The following TGFA variants were observed in gnomAD, a reference collection of about 807,000 sequenced individuals.
The protein encoded by TGFA is transforming growth factor alpha.
A neutral mutation model predicts 21.7 loss-of-function variants in TGFA; 12 were observed. That is an observed-to-expected ratio of 0.55 (90% CI 0.35 to 0.90). The LOEUF is 0.90. TGFA is among the 40% of genes least tolerant of loss of function. The probability of loss-of-function intolerance (pLI) is 0.01; values close to 1 mark genes in which losing one functional copy is unlikely to be tolerated. For synonymous variants in TGFA, 79 were observed against 88.1 expected (o/e 0.90, Z 0.58); for missense variants, 178 against 210.8 (o/e 0.84, Z 0.96).
At position 70,514,873 on chromosome 2, in the gene TGFA, G is replaced by A. The variant is rs138392270; in HGVS notation, c.80C>T (p.Thr27Met). Residue 27 changes from threonine (T) to methionine (M), a missense_variant, in exon 2 of 6, where the codon ACG becomes ATG. Coordinates refer to ENST00000295400, the MANE Select transcript of TGFA (RefSeq NM_003236.4). The stretch of plus-strand genomic sequence containing the variant: ...GCTGCACTCACCACTCAGCGGGGAC[G>A]TGCTGTTCTCCAAGGCCTGGCACGC... ...LAACQALENSTSPLSADPPVA... is the reference protein window; with the variant it reads ...LAACQALENSMSPLSADPPVA... 5 of 1,614,036 alleles carry A rather than the reference G, an allele frequency of 3.1e-6. No individual in the cohort carries two copies. Among genetic ancestry groups the A allele is most frequent in the East Asian group, 2.2e-5 (1 of 44,880 alleles).
chr2:70,514,533 C>G (rs1003117322), intron 2 of TGFA, among the ~76,000 whole-genome samples: 13 of 129,932 alleles, frequency 1.0e-4, no homozygotes, highest in African/African-American at 4.8e-4. Context: ...TGGACTATTA[C>G]GAGAGTGGGG....
chr2:70,465,640 A>C lies in TGFA; in HGVS notation c.191T>G (p.Val64Gly), dbSNP rs1670532437. 1 of 1,614,046 alleles carries C rather than the reference A, an allele frequency of 6.2e-7. No homozygotes were observed. ...CACACATGCTGGCTTGTCCTCCTGCACCAAAAACCTGCAGGTTCCATGGAA... is the reference window on the plus strand; with the variant it reads ...CACACATGCTGGCTTGTCCTCCTGCCCCAAAAACCTGCAGGTTCCATGGAA... ...FCFHGTCRFLVQEDKPACVCH... is the reference protein window; with the variant it reads ...FCFHGTCRFLGQEDKPACVCH... The change falls in exon 3 of 6, where the codon GTG becomes GGG. Residue 64 changes from valine to glycine, a missense_variant. Physicochemically the swap from Val to Gly is moderately radical, Grantham distance 109 (BLOSUM62 -3). Transcript: ENST00000295400.
intron 2 of TGFA, among the ~76,000 whole-genome samples, chr2:70,510,643 C>G (rs1672068375): frequency 6.6e-6 from 1 of 152,174 alleles, no homozygotes; most frequent in South Asian, 2.1e-4. Context: ...CCTCAGTCAC[C>G]ACATCCCTCT....
At chr2:70,482,531 T>C (rs1220421950) in intron 2 of TGFA, among the ~76,000 whole-genome samples, 1 of 152,206 alleles carries the variant, frequency 6.6e-6, no homozygotes, top group Non-Finnish European at 1.5e-5. Context: ...TGCTGTTGGA[T>C]TATATAAATT....
At chr2:70,505,854 C>T (rs1240502938) in intron 2 of TGFA, among the ~76,000 whole-genome samples, 1 of 152,156 alleles carries the variant, frequency 6.6e-6, no homozygotes, top group African/African-American at 2.4e-5. Flanking sequence ...AATCACTTTC[C>T]ATTACACATT....
intron 2 of TGFA, among the ~76,000 whole-genome samples, chr2:70,510,756 T>G (rs375668): frequency 0.33 from 49,468 of 151,952 alleles, 10,664 homozygotes; most frequent in African/African-American, 0.62. Context: ...CTAAGAGAAA[T>G]GAAGACAGGA....
chr2:70,501,788 A>G (rs1275104435), intron 2 of TGFA, among the ~76,000 whole-genome samples: 1 of 152,228 alleles, frequency 6.6e-6, no homozygotes, highest in Non-Finnish European at 1.5e-5. Flanking sequence ...CAAAAGGGAA[A>G]TTAGGCGCTA....
intron 2 of TGFA, among the ~76,000 whole-genome samples, chr2:70,510,843 CA>C (rs2103842923): frequency 6.6e-6 from 1 of 151,822 alleles, no homozygotes; most frequent in Admixed American, 6.6e-5. Context: ...TTTTTTTCCC[CA>C]AAATGCACAA....
intron 2 of TGFA, among the ~76,000 whole-genome samples, chr2:70,512,289 G>A (rs571945410): frequency 1.3e-5 from 2 of 152,188 alleles, no homozygotes; most frequent in Non-Finnish European, 2.9e-5. Flanking sequence ...AATCTCTAAG[G>A]CCCTGGGGTG....
At chr2:70,521,600 T>TTTG (rs1553502271) in intron 1 of TGFA, among the ~76,000 whole-genome samples, 2 of 142,054 alleles carry the variant, frequency 1.4e-5, no homozygotes, top group African/African-American at 2.8e-5. Flanking sequence ...GATAGTTTTT[T>TTTG]TTGTTGTTGT....
chr2:70,500,549 C>T (rs929180899), intron 2 of TGFA, among the ~76,000 whole-genome samples: 18 of 151,626 alleles, frequency 1.2e-4, no homozygotes, highest in African/African-American at 4.4e-4. Flanking sequence ...ACTTTTTTTC[C>T]AAGAGCAACT....
chr2:70,497,166 T>G (rs538107478), intron 2 of TGFA, among the ~76,000 whole-genome samples: 1 of 152,286 alleles, frequency 6.6e-6, no homozygotes, highest in South Asian at 2.1e-4. Context: ...GAAAGACGTA[T>G]GAGCTACAGA....
At chr2:70,553,120 AACC>A in intron 1 of TGFA, 1 of 1,518,258 alleles carries the variant, frequency 6.6e-7, no homozygotes, top group Non-Finnish European at 8.8e-7. Context: ...CGGACACCGA[AACC>A]ACTTCTCCCA....
chr2:70,489,075 G>A (rs2103779598), intron 2 of TGFA, among the ~76,000 whole-genome samples: 1 of 152,278 alleles, frequency 6.6e-6, no homozygotes, highest in Middle Eastern at 3.4e-3. Flanking sequence ...TAGCAGCTCT[G>A]TCACACTCAC....
chr2:70,509,405 C>A (rs1363633994), intron 2 of TGFA, among the ~76,000 whole-genome samples: 2 of 152,182 alleles, frequency 1.3e-5, no homozygotes, highest in African/African-American at 4.8e-5. Flanking sequence ...CTTCTGTGCA[C>A]CCCCAGCTCA....
At chr2:70,477,939 G>A (rs1670986156) in intron 2 of TGFA, among the ~76,000 whole-genome samples, 1 of 152,218 alleles carries the variant, frequency 6.6e-6, no homozygotes, top group African/African-American at 2.4e-5. Context: ...AATTTCTGAT[G>A]TGGGATGAAT....
At chr2:70,529,598 C>CCA (rs1672754305) in intron 1 of TGFA, among the ~76,000 whole-genome samples, 1 of 151,438 alleles carries the variant, frequency 6.6e-6, no homozygotes, top group Non-Finnish European at 1.5e-5. Context: ...TCCCCCCGCC[C>CCA]CAGTCCTAGA....
intron 3 of TGFA, 129 bp from the exon 4 acceptor site, chr2:70,456,617 G>A (rs1031317957): frequency 1.4e-5 from 16 of 1,150,786 alleles, no homozygotes; most frequent in Non-Finnish European, 1.8e-5. Context: ...GCCAGCTTTT[G>A]CAATTGGAGG....
intron 5 of TGFA, among the ~76,000 whole-genome samples, 186 bp downstream of exon 5, chr2:70,453,032 T>C (rs1371963828): frequency 1.3e-5 from 2 of 152,140 alleles, no homozygotes; most frequent in Non-Finnish European, 2.9e-5. Context: ...CCAGCCAGGA[T>C]GTAAGGGGTC....
Sources: allele counts gnomAD v4.1 joint callset (sites outside exome capture counted in the v4.1 genomes callset), GRCh38; gene constraint gnomAD v4.1.1; transcripts MANE v1.5; gene names NCBI Gene and HGNC (gene_info 2026-07-23, HGNC 2026-07-21).